The following HECW2 variants were observed in gnomAD, a reference collection of about 807,000 sequenced individuals.
HECW2 encodes the protein HECT, C2 and WW domain containing E3 ubiquitin protein ligase 2, also known as E3 ubiquitin-protein ligase HECW2.
A neutral mutation model predicts 175.2 loss-of-function variants in HECW2; 61 were observed. The ratio of observed to expected loss-of-function variants is 0.35; its 90% CI spans 0.28 to 0.43. The LOEUF (loss-of-function observed/expected upper bound fraction) is 0.43. Ranked by LOEUF, HECW2 falls within the 20% of genes least tolerant of loss-of-function variation. HECW2 has a pLI of 1.00. For missense variants in HECW2, 1,524 were observed against 2,000.5 expected, an observed-to-expected ratio of 0.76 and a Z score of 4.54; for synonymous variants, 671 against 731.0, an observed-to-expected ratio of 0.92 and a Z score of 1.32.
intron 1 of HECW2, among the ~76,000 whole-genome samples, chr2:196,469,504 TTA>T (rs1276172473): frequency 2.0e-5 from 3 of 151,932 alleles, no homozygotes; most frequent in Non-Finnish European, 4.4e-5. Flanking sequence ...ATCTCATTCT[TTA>T]TATATCTAGA....
chr2:196,560,573 T>G (rs1223311894), intron 1 of HECW2, among the ~76,000 whole-genome samples: 1 of 152,192 alleles, frequency 6.6e-6, no homozygotes, highest in Admixed American at 6.5e-5. Context: ...AGATATATAT[T>G]TTACCAGTTC....
intron 9 of HECW2, among the ~76,000 whole-genome samples, chr2:196,318,016 T>C (rs13383962): frequency 0.042 from 6,457 of 152,326 alleles, 489 homozygotes; most frequent in African/African-American, 0.15. Flanking sequence ...ATGCATAGCA[T>C]ACATTAATCT....
At chr2:196,247,338 G>A (rs1304841092) in intron 19 of HECW2, among the ~76,000 whole-genome samples, 2 of 152,130 alleles carry the variant, frequency 1.3e-5, no homozygotes, top group Non-Finnish European at 2.9e-5. Flanking sequence ...TAATTGCCAA[G>A]AAATTCCAGA....
At chr2:196,373,229 A>G (rs60594252) in intron 2 of HECW2, among the ~76,000 whole-genome samples, 1,860 of 152,342 alleles carry the variant, frequency 0.012, 40 homozygotes, top group African/African-American at 0.042. Context: ...TCCTTGATCT[A>G]GGTTATCTAA....
At position 196,306,500 on chromosome 2, in the gene HECW2, C is replaced by A. The variant is rs996701320; in HGVS notation, c.2802G>T (p.Leu934=). The A allele has an allele frequency of 3.7e-6, 6 of 1,610,046 alleles. No homozygotes were observed. Among genetic ancestry groups the A allele is most frequent in the Admixed American group, 1.7e-5 (1 of 59,446 alleles). Residue 934 remains leucine, a synonymous_variant, in exon 13 of 29, where the codon CTG becomes CTT. Transcript: ENST00000644978. Reference sequence around the variant, plus strand: ...ATTCGCTACTCACAGGGTTAGAATGCAGCACGGTGAAGAACTCTGGGCTGA... The same window carrying A: ...ATTCGCTACTCACAGGGTTAGAATGAAGCACGGTGAAGAACTCTGGGCTGA... ...FLISPEFFTV[L]HSNPSAYRMF...
chr2:196,571,752 T>C (rs1480646618), intron 1 of HECW2, among the ~76,000 whole-genome samples: 1 of 152,000 alleles, frequency 6.6e-6, no homozygotes, highest in African/African-American at 2.4e-5. Context: ...TTTCTGTAGA[T>C]GCTTCCATAC....
At chr2:196,579,639 C>A (rs567024463) in intron 1 of HECW2, among the ~76,000 whole-genome samples, 4 of 152,170 alleles carry the variant, frequency 2.6e-5, no homozygotes, top group African/African-American at 9.6e-5. Context: ...GAAGTACTAA[C>A]CCCAAGTAGT....
chr2:196,338,180 T>C (rs1371994175), intron 3 of HECW2, among the ~76,000 whole-genome samples: 2 of 152,154 alleles, frequency 1.3e-5, no homozygotes, highest in South Asian at 4.1e-4. Flanking sequence ...TGAACAGTGT[T>C]TAGGAACTTA....
chr2:196,559,034 C>T (rs947047361), intron 1 of HECW2, among the ~76,000 whole-genome samples: 1 of 152,104 alleles, frequency 6.6e-6, no homozygotes. Flanking sequence ...AGAAATTAAC[C>T]CTATTTTTAC....
At chr2:196,429,463 G>A (rs1695644724) in intron 2 of HECW2, among the ~76,000 whole-genome samples, 1 of 152,156 alleles carries the variant, frequency 6.6e-6, no homozygotes. Flanking sequence ...TTTGGAAATG[G>A]CTAGAGGGGA....
intron 28 of HECW2, among the ~76,000 whole-genome samples, chr2:196,205,685 C>T (rs1159137148): frequency 6.6e-6 from 1 of 152,100 alleles, no homozygotes; most frequent in Non-Finnish European, 1.5e-5. Context: ...GCTTGTTTTA[C>T]AATGGAGATT....
In HECW2 at chr2:196,433,273, C is replaced by T. The variant is rs1025299878; in HGVS notation, c.151G>A (p.Asp51Asn). The T allele has an allele frequency of 1.4e-5, 23 of 1,614,150 alleles. No homozygotes were observed. The East Asian group carries it at 2.5e-4, about 17-fold the overall frequency. ...GAGCGGCTCTCAGAAGTCACCAGGT[C>T]GGTGTCGCTGTTGGCCCGCTGCAGG... The part of the protein sequence containing the change: ...MTLQRANSDT[D>N]LVTSESRSSL... Residue 51 changes from aspartate to asparagine, a missense_variant, in exon 2 of 29, where the codon GAC (aspartate) becomes AAC (asparagine). Physicochemically the swap from Asp to Asn is conservative, Grantham distance 23 (BLOSUM62 1). Transcript: ENST00000644978.
chr2:196,403,275 G>A (rs1217167369), intron 2 of HECW2, among the ~76,000 whole-genome samples: 1 of 152,150 alleles, frequency 6.6e-6, no homozygotes, highest in African/African-American at 2.4e-5. Flanking sequence ...TTTGACAGCT[G>A]ACGTAATGTA....
intron 1 of HECW2, among the ~76,000 whole-genome samples, chr2:196,545,029 A>ATG (rs903046670): frequency 8.6e-5 from 13 of 151,918 alleles, no homozygotes; most frequent in African/African-American, 2.4e-4. Flanking sequence ...GGGCGTGTGG[A>ATG]TGTGTGTGTG....
At chr2:196,440,606 C>A (rs929579169) in intron 1 of HECW2, among the ~76,000 whole-genome samples, 4 of 152,186 alleles carry the variant, frequency 2.6e-5, no homozygotes, top group African/African-American at 9.7e-5. Flanking sequence ...ACAGCTGCTG[C>A]GCATTTTCTA....
chr2:196,425,539 T>C (rs577006148), intron 2 of HECW2, among the ~76,000 whole-genome samples: 1 of 152,086 alleles, frequency 6.6e-6, no homozygotes, highest in Admixed American at 6.6e-5. Context: ...CTGGAAGAAG[T>C]TGATTCCAAC....
At chr2:196,409,175 A>G (rs1380999504) in intron 2 of HECW2, among the ~76,000 whole-genome samples, 1 of 152,186 alleles carries the variant, frequency 6.6e-6, no homozygotes, top group Non-Finnish European at 1.5e-5. Flanking sequence ...CTTGGCTAGA[A>G]AGGCTCTGGG....
chr2:196,249,148 G>A (rs1012580000), intron 19 of HECW2, among the ~76,000 whole-genome samples: 2 of 152,178 alleles, frequency 1.3e-5, no homozygotes, highest in African/African-American at 2.4e-5. Context: ...ACATAAGAGA[G>A]CACATCTCCA....
intron 1 of HECW2, among the ~76,000 whole-genome samples, chr2:196,579,798 CA>C (rs749181629): frequency 2.0e-4 from 30 of 152,218 alleles, no homozygotes; most frequent in Admixed American, 5.9e-4. Context: ...GACATACATG[CA>C]CAGAGGAAAG....
Sources: allele counts gnomAD v4.1 joint callset (sites outside exome capture counted in the v4.1 genomes callset), GRCh38; gene constraint gnomAD v4.1.1; transcripts MANE v1.5; gene names NCBI Gene and HGNC (gene_info 2026-07-23, HGNC 2026-07-21).